Variants in ADAMTS18 observed in about 807,000 individuals in gnomAD.
ADAMTS18 encodes the protein A disintegrin and metalloproteinase with thrombospondin motifs 18.
Under a neutral mutation model 165.9 loss-of-function variants are expected in ADAMTS18, and 157 were observed. The observed-to-expected ratio is 0.95, with a 90% CI of 0.83 to 1.08. The LOEUF is 1.08. ADAMTS18 is among the 50% of genes least tolerant of loss of function. The pLI, the probability that ADAMTS18 is intolerant of heterozygous loss-of-function variation, is 0.00. For synonymous variants in ADAMTS18, 782 were observed against 578.2 expected, an observed-to-expected ratio of 1.35 and a Z score of -5.06; for missense variants, 2,040 against 1,534.0, an observed-to-expected ratio of 1.33 and a Z score of -5.51.
At chr16:77,348,152 G>C (rs1288181232) in intron 10 of ADAMTS18, among the ~76,000 whole-genome samples, 2 of 152,122 alleles carry the variant, frequency 1.3e-5, no homozygotes, top group African/African-American at 2.4e-5. Flanking sequence ...GACTAATCTT[G>C]CTCAGATTAT....
intron 3 of ADAMTS18, among the ~76,000 whole-genome samples, chr16:77,410,800 GA>G (rs2057452352): frequency 6.6e-6 from 1 of 152,180 alleles, no homozygotes; most frequent in South Asian, 2.1e-4. Flanking sequence ...ACCCAGGACT[GA>G]GTACAGGTAG....
chr16:77,361,327 G>C (rs777953001), intron 7 of ADAMTS18, among the ~76,000 whole-genome samples: 9 of 152,096 alleles, frequency 5.9e-5, no homozygotes, highest in Non-Finnish European at 1.0e-4. Context: ...ATGTGCAATG[G>C]AATATACTAG....
In ADAMTS18 at chr16:77,431,492, G is replaced by C. The variant is rs1567562334; in HGVS notation, c.298C>G (p.Arg100Gly). The change falls in exon 3 of 23, where the codon CGA becomes GGA. Residue 100 changes from arginine (R) to glycine (G), a missense_variant. Coordinates refer to ENST00000282849, the MANE Select transcript of ADAMTS18 (RefSeq NM_199355.4). ...AQNARSSLHY[R>G]FSAFGQELHL... Reference sequence around the variant, plus strand: ...AGTTCCTGTCCAAATGCTGAAAATCGGTAGTGCAGGGAGCTTCTGGCATTC... The same window carrying C: ...AGTTCCTGTCCAAATGCTGAAAATCCGTAGTGCAGGGAGCTTCTGGCATTC... 2 of 1,614,050 alleles carry C rather than the reference G, an allele frequency of 1.2e-6. No homozygotes were observed. Among genetic ancestry groups the C allele is most frequent in the Admixed American group, 1.7e-5 (1 of 60,004 alleles).
At chr16:77,397,201 T>G (rs930640590) in intron 3 of ADAMTS18, among the ~76,000 whole-genome samples, 2 of 152,150 alleles carry the variant, frequency 1.3e-5, no homozygotes, top group Non-Finnish European at 2.9e-5. Context: ...GAATCTAAGT[T>G]AGACATGGGA....
chr16:77,426,318 C>T lies in ADAMTS18; in HGVS notation c.495+4977G>A, dbSNP rs1274769587. On this transcript the variant is annotated intron_variant, in intron 3 of 22. Coordinates refer to ENST00000282849, the MANE Select transcript of ADAMTS18 (RefSeq NM_199355.4). ...CATTGTGTTGATGTTTTTCATGTCA[C>T]CACCAAACTGTGAAGAGATGCTCCT... Among the ~76,000 whole-genome samples the T allele has an allele frequency of 2.0e-5, 3 of 151,904 alleles. No individual in the cohort carries two copies. In the East Asian group the frequency reaches 5.8e-4, roughly 29 times the overall value.
intron 3 of ADAMTS18, among the ~76,000 whole-genome samples, chr16:77,387,700 C>G (rs1421862668): frequency 2.6e-5 from 4 of 152,132 alleles, no homozygotes; most frequent in African/African-American, 9.7e-5. Context: ...AGTTTTTTAA[C>G]TTCTGCCAAA....
intron 20 of ADAMTS18, among the ~76,000 whole-genome samples, chr16:77,291,820 C>CACTT (rs1431058871): frequency 6.6e-6 from 1 of 152,174 alleles, no homozygotes. Context: ...TAGGGTTACA[C>CACTT]ACTTACAGGT....
At chr16:77,317,098 A>T (rs2055900463) in intron 16 of ADAMTS18, among the ~76,000 whole-genome samples, 1 of 152,168 alleles carries the variant, frequency 6.6e-6, no homozygotes, top group Non-Finnish European at 1.5e-5. Flanking sequence ...TCTCTAATTC[A>T]AAAAGTCTGT....
intron 3 of ADAMTS18, among the ~76,000 whole-genome samples, chr16:77,390,970 C>T (rs1271395469): frequency 6.6e-6 from 1 of 152,154 alleles, no homozygotes; most frequent in Non-Finnish European, 1.5e-5. Flanking sequence ...CCAAATATGT[C>T]GGTGATGCTG....
chr16:77,411,153 A>C (rs1809021326), intron 3 of ADAMTS18, among the ~76,000 whole-genome samples: 1 of 152,186 alleles, frequency 6.6e-6, no homozygotes, highest in Non-Finnish European at 1.5e-5. Context: ...GGGTTCCTGG[A>C]GTATACCAAT....
chr16:77,354,471 G>A (rs2056599998), intron 9 of ADAMTS18, among the ~76,000 whole-genome samples: 1 of 152,226 alleles, frequency 6.6e-6, no homozygotes, highest in Middle Eastern at 3.4e-3. Flanking sequence ...ATGTTTGACT[G>A]TGACTTGTTG....
At position 77,326,000 on chromosome 16, in the gene ADAMTS18, C is replaced by A. The variant is rs200297898; in HGVS notation, c.1898G>T (p.Arg633Leu). The A allele has an allele frequency of 1.2e-6, 2 of 1,614,008 alleles. No homozygotes were observed. Among genetic ancestry groups the A allele is most frequent in the Non-Finnish European group, 1.7e-6 (2 of 1,179,942 alleles). Residue 633 changes from arginine (R) to leucine (L), a missense_variant, in exon 13 of 23, where the codon CGT becomes CTT. Transcript: ENST00000282849. ...GTTAATATTGCACAGCTGATAAATA[C>A]GGCTAGAACCTGGACAGAATAAGCC... ...YGGLFCPGSS[R>L]IYQLCNINPC...
At chr16:77,425,042 C>T (rs940976823) in intron 3 of ADAMTS18, among the ~76,000 whole-genome samples, 2 of 152,202 alleles carry the variant, frequency 1.3e-5, no homozygotes, top group Non-Finnish European at 2.9e-5. Flanking sequence ...ACTGAGCTTT[C>T]TGAGTCATAA....
At chr16:77,420,174 A>C (rs2057583904) in intron 3 of ADAMTS18, among the ~76,000 whole-genome samples, 1 of 151,334 alleles carries the variant, frequency 6.6e-6, no homozygotes, top group African/African-American at 2.4e-5. Flanking sequence ...GGGTATGTGG[A>C]AACTCTCTGC....
chr16:77,322,154 C>CAAAAAAAAAAAA (rs36089291), intron 14 of ADAMTS18, among the ~76,000 whole-genome samples, 182 bp downstream of exon 14: 1 of 73,346 alleles, frequency 1.4e-5, no homozygotes, highest in African/African-American at 5.9e-5. Flanking sequence ...AATTTCATCT[C>CAAAAAAAAAAAA]AAAAAAAAAA....
At chr16:77,317,498 T>C (rs2055908894) in intron 16 of ADAMTS18, among the ~76,000 whole-genome samples, 1 of 152,198 alleles carries the variant, frequency 6.6e-6, no homozygotes, top group African/African-American at 2.4e-5. Flanking sequence ...CACACCCAGC[T>C]AATTTTTGTA....
intron 3 of ADAMTS18, among the ~76,000 whole-genome samples, chr16:77,416,864 G>C (rs1324088266): frequency 6.6e-6 from 1 of 152,136 alleles, no homozygotes; most frequent in Non-Finnish European, 1.5e-5. Flanking sequence ...TGAGAGATGA[G>C]AATGATTTAG....
At position 77,383,865 on chromosome 16, in the gene ADAMTS18, G is replaced by T. The variant is rs576061733; in HGVS notation, c.496-16142C>A. Among the ~76,000 whole-genome samples the T allele has an allele frequency of 5.9e-5, 9 of 152,210 alleles. No individual in the cohort carries two copies. The South Asian group carries it at 1.5e-3, about 25-fold the overall frequency. ...CCAAAAAGCTGACTGGGGAAACAAG[G>T]TTGGCTTTGTTTCAATAGGATGCTT... On this transcript the variant is annotated intron_variant, in intron 3 of 22. Coordinates refer to ENST00000282849, the MANE Select transcript of ADAMTS18 (RefSeq NM_199355.4).
chr16:77,290,249 CTG>C (rs1567454559), intron 21 of ADAMTS18, among the ~76,000 whole-genome samples: 1 of 152,168 alleles, frequency 6.6e-6, no homozygotes, highest in Non-Finnish European at 1.5e-5. Flanking sequence ...CATACGGCCT[CTG>C]TTGCAAGTAC....
Sources: gnomAD v4.1 joint callset for allele counts (sites outside exome capture counted in the v4.1 genomes callset) on GRCh38, gnomAD v4.1.1 for gene constraint, MANE v1.5 for transcripts, NCBI Gene and HGNC (gene_info 2026-07-23, HGNC 2026-07-21) for gene names.